CARS1: variants seen among roughly 807,000 people sequenced by gnomAD.
CARS1 encodes cysteine--tRNA ligase, cytoplasmic.
In CARS1, 48 loss-of-function variants were observed where a neutral mutation model predicts 106.2. The ratio of observed to expected loss-of-function variants is 0.45; its 90% CI spans 0.36 to 0.57. The LOEUF is 0.57. Ranked by LOEUF, CARS1 falls within the 20% of genes least tolerant of loss-of-function variation. CARS1 has a pLI of 0.00. For synonymous variants in CARS1, 409 were observed against 403.4 expected, an observed-to-expected ratio of 1.01 and a Z score of -0.17; for missense variants, 968 against 1,057.2, an observed-to-expected ratio of 0.92 and a Z score of 1.17.
In CARS1 at chr11:3,007,032, G is replaced by A. The variant is rs1849941031; in HGVS notation, c.2069-73C>T. On this transcript the variant is annotated intron_variant, in intron 18 of 22. Transcript: ENST00000380525. Reference sequence around the variant, plus strand: ...CCACACAACCAGTGCCTCCTCCAGTGCTGGGGAAGGAGGGGCCGTGGCCCA... The same window carrying A: ...CCACACAACCAGTGCCTCCTCCAGTACTGGGGAAGGAGGGGCCGTGGCCCA... 3.3e-6 allele frequency: 4 copies of A among 1,229,216 alleles called. No individual in the cohort carries two copies. In the African/African-American group the frequency reaches 5.9e-5, roughly 18 times the overall value. 76.1% of individuals were successfully genotyped at this position (1,229,216 alleles called of 1,614,324 possible).
chr11:3,013,988 C>G (rs1301804647), intron 17 of CARS1, among the ~76,000 whole-genome samples: 1 of 152,160 alleles, frequency 6.6e-6, no homozygotes. Flanking sequence ...GTGCAAAAGT[C>G]AGGCAGGCTA....
At chr11:3,007,226 C>A in intron 18 of CARS1, 1 of 530,476 alleles carries the variant, frequency 1.9e-6, no homozygotes, top group Non-Finnish European at 3.3e-6. Flanking sequence ...CAGGGCAGAG[C>A]CAGGAGGAAG....
chr11:3,031,415 G>A (rs748487760), intron 7 of CARS1: 1 of 152,048 alleles, frequency 6.6e-6, no homozygotes, highest in Non-Finnish European at 1.5e-5. Context: ...CTAAGATAAT[G>A]TTTCTAAAAC....
rs766901675 is a variant in CARS1 at position 3,038,019 on chromosome 11, C to T, written c.801+31G>A. ...TGCACGGCCCGACATTTGACCCGAA[C>T]GGGCTGTCTGGGAGATGTGTGAAGC... On this transcript the variant is annotated intron_variant, in intron 7 of 22. Transcript: ENST00000380525. This position sits in a 1 kb window ranked among gnomAD's most constrained non-coding sequence, Gnocchi z 4.0. 16 of 1,596,952 alleles carry T rather than the reference C, an allele frequency of 1.0e-5. No homozygotes were observed. Among genetic ancestry groups the T allele is most frequent in the Admixed American group, 3.4e-5 (2 of 58,530 alleles).
chr11:3,018,789 T>C, intron 12 of CARS1, 40 bp from the exon 13 acceptor site: 1 of 1,596,048 alleles, frequency 6.3e-7, no homozygotes, highest in East Asian at 2.2e-5. Flanking sequence ...AGTCATGTGT[T>C]ACTGGGGCCG....
intron 1 of CARS1, among the ~76,000 whole-genome samples, chr11:3,054,577 G>C (rs114430012): frequency 0.012 from 1,752 of 152,334 alleles, 33 homozygotes; most frequent in African/African-American, 0.039. Flanking sequence ...ATCAAAGGCA[G>C]CACAGCACAG....
intron 1 of CARS1, among the ~76,000 whole-genome samples, chr11:3,056,440 A>G (rs1433484102): frequency 6.6e-6 from 1 of 152,168 alleles, no homozygotes; most frequent in Non-Finnish European, 1.5e-5. Context: ...TGAGAGAAGA[A>G]CCCACTGGTC....
At chr11:3,042,887 G>A (rs902516999) in intron 2 of CARS1, among the ~76,000 whole-genome samples, 3 of 152,196 alleles carry the variant, frequency 2.0e-5, no homozygotes, top group Non-Finnish European at 2.9e-5. Context: ...CTGTGGCCAC[G>A]GCCAGCAGGC....
Position 3,040,156 on chromosome 11 carries a change from G to T in CARS1, c.456-225C>A, listed in dbSNP as rs2134253946. 2 of 475,890 alleles carry T rather than the reference G, an allele frequency of 4.2e-6. No individual in the cohort carries two copies. The highest frequency in any genetic ancestry group is 3.5e-5 in the South Asian group (1 of 28,910). 29.5% of individuals were successfully genotyped at this position (475,890 alleles called of 1,614,324 possible). ...CCACCTAATGAATAGTAAATATATT[G>T]CCTCTCCCTTATGATTTTCTTCATA... is the stretch of plus-strand genomic sequence containing the variant. On this transcript the variant is annotated intron_variant, in intron 4 of 22. Coordinates refer to ENST00000380525, the MANE Select transcript of CARS1 (RefSeq NM_001014437.3). The surrounding 1 kb of genome is among the most constrained non-coding windows in gnomAD (Gnocchi z 5.8).
rs1248866066 is a variant in CARS1, at chr11:3,034,709, T to A, written c.801+3341A>T. Among the ~76,000 whole-genome samples, 1 of 151,808 alleles carries A rather than the reference T, an allele frequency of 6.6e-6. No homozygotes were observed. The highest frequency in any genetic ancestry group is 1.5e-5 in the Non-Finnish European group (1 of 67,974). On this transcript the variant is annotated intron_variant, in intron 7 of 22. Coordinates refer to ENST00000380525, the MANE Select transcript of CARS1 (RefSeq NM_001014437.3). The surrounding 1 kb of genome is among the most constrained non-coding windows in gnomAD (Gnocchi z 6.3). The stretch of plus-strand genomic sequence containing the variant: ...AACACCCAGCTAATTTTTTTTTTTT[T>A]ATTTTTAGTAGAGACGGGGTTTCAC...
At position 3,020,378 on chromosome 11, in the gene CARS1, C is replaced by T. The variant is rs772670388; in HGVS notation, c.1154-46G>A. On this transcript the variant is annotated intron_variant, in intron 10 of 22. Transcript: ENST00000380525. This position sits in a 1 kb window ranked among gnomAD's most constrained non-coding sequence, Gnocchi z 4.6. ...AGGCAAGGTCACTCAGCAGCACCCA[C>T]AGACCCACATGTCTCACTTCAAGGC... is the stretch of plus-strand genomic sequence containing the variant. 2.6e-6 allele frequency: 3 copies of T among 1,175,454 alleles called. No homozygotes were observed. The highest frequency in any genetic ancestry group is 1.7e-5 in the Admixed American group (1 of 59,096). 72.8% of individuals were successfully genotyped at this position (1,175,454 alleles called of 1,614,324 possible).
At position 3,052,762 on chromosome 11, in the gene CARS1, G is replaced by A. The variant is rs1270723473; in HGVS notation, c.25+4581C>T. ...TGTCTCGAGGAAACAAATAAAAATAGGTCAGCTTTCAAGTGGTCATGGGTT... is the reference window on the plus strand; with the variant it reads ...TGTCTCGAGGAAACAAATAAAAATAAGTCAGCTTTCAAGTGGTCATGGGTT... On this transcript the variant is annotated intron_variant, in intron 1 of 22. Coordinates refer to ENST00000380525, the MANE Select transcript of CARS1 (RefSeq NM_001014437.3). This position sits in a 1 kb window ranked among gnomAD's most constrained non-coding sequence, Gnocchi z 4.6. Among the ~76,000 whole-genome samples the A allele has an allele frequency of 6.6e-6, 1 of 152,222 alleles. No homozygotes were observed. Among genetic ancestry groups the A allele is most frequent in the Non-Finnish European group, 1.5e-5 (1 of 68,044 alleles).
In CARS1 at chr11:3,041,162, G is replaced by C. The variant is rs764646371; in HGVS notation, c.367-178C>G. ...TCAGTGGGAGCCCAGTGAGATGTAC[G>C]GCACCTCCCACCAACTGAGCCCTGG... On this transcript the variant is annotated intron_variant, in intron 3 of 22. Coordinates refer to ENST00000380525, the MANE Select transcript of CARS1 (RefSeq NM_001014437.3). This position sits in a 1 kb window ranked among gnomAD's most constrained non-coding sequence, Gnocchi z 4.9. 3.2e-6 allele frequency: 3 copies of C among 928,698 alleles called. No homozygotes were observed. In the Admixed American group the frequency reaches 8.2e-5, roughly 25 times the overall value. The allele number at this position is 928,698 out of a possible 1,614,324, so 57.5% of individuals were successfully genotyped here. A position where few individuals can be genotyped will look rare whatever the true frequency, so the allele number is the denominator to read the frequency against.
chr11:3,047,119 T>C (rs1353092965), intron 2 of CARS1, among the ~76,000 whole-genome samples: 1 of 151,508 alleles, frequency 6.6e-6, no homozygotes, highest in African/African-American at 2.4e-5. Context: ...CTACTAAAAA[T>C]ACAAAAAATT....
intron 10 of CARS1, among the ~76,000 whole-genome samples, chr11:3,024,628 T>G (rs979002438): frequency 1.3e-5 from 2 of 152,106 alleles, no homozygotes; most frequent in African/African-American, 4.8e-5. Context: ...TTAAATTTTT[T>G]GTAGAAAGGG....
chr11:3,047,461 G>A (rs575015093), intron 2 of CARS1, among the ~76,000 whole-genome samples: 9 of 152,258 alleles, frequency 5.9e-5, no homozygotes, highest in African/African-American at 1.4e-4. Flanking sequence ...GGCATGCTAC[G>A]TGGAACCCCA....
chr11:3,001,385 A>G, intron 22 of CARS1, 137 bp from the exon 23 acceptor site: 1 of 998,146 alleles, frequency 1.0e-6, no homozygotes, highest in Non-Finnish European at 1.5e-6. Context: ...TTCAGTCACC[A>G]CACTGCTCTG....
At chr11:3,010,197 C>A (rs1015578415) in intron 18 of CARS1, among the ~76,000 whole-genome samples, 2 of 152,268 alleles carry the variant, frequency 1.3e-5, no homozygotes, top group Non-Finnish European at 1.5e-5. Context: ...TGCCACCGAG[C>A]GGGAGCTTGT....
intron 17 of CARS1, among the ~76,000 whole-genome samples, chr11:3,014,024 T>C (rs959599698): frequency 5.3e-5 from 8 of 151,914 alleles, no homozygotes; most frequent in African/African-American, 1.9e-4. Flanking sequence ...TAAGCCAAGC[T>C]CCCTGAGACC....
Sources: gnomAD v4.1 joint callset for allele counts (sites outside exome capture counted in the v4.1 genomes callset) on GRCh38, gnomAD v4.1.1 for gene constraint, Gnocchi (gnomAD v3.1) non-coding constraint, MANE v1.5 for transcripts, NCBI Gene and HGNC (gene_info 2026-07-23, HGNC 2026-07-21) for gene names.